The following GPHN variants were observed in gnomAD, a reference collection of about 807,000 sequenced individuals.
The protein encoded by GPHN is gephyrin.
A neutral mutation model predicts 95.5 loss-of-function variants in GPHN; 17 were observed. The observed-to-expected ratio is 0.18, with a 90% CI of 0.12 to 0.27. The LOEUF (loss-of-function observed/expected upper bound fraction) is 0.27, where lower values mean the gene tolerates loss of function less well. Ranked by LOEUF, GPHN falls within the 10% of genes least tolerant of loss-of-function variation. The probability of loss-of-function intolerance (pLI) is 1.00; values close to 1 mark genes in which losing one functional copy is unlikely to be tolerated. For missense variants in GPHN, 660 were observed against 978.1 expected, an observed-to-expected ratio of 0.67 and a Z score of 4.34; for synonymous variants, 320 against 322.5, an observed-to-expected ratio of 0.99 and a Z score of 0.08.
chr14:66,895,994 C>T (rs764443565), intron 5 of GPHN, among the ~76,000 whole-genome samples: 5 of 152,186 alleles, frequency 3.3e-5, no homozygotes, highest in South Asian at 2.1e-4. Flanking sequence ...TCAAGGTGCC[C>T]GCAGATTCAG....
the GPHN span, among the ~76,000 whole-genome samples, chr14:67,455,316 C>T: frequency 2.6e-5 from 4 of 152,182 alleles, no homozygotes; most frequent in African/African-American, 9.7e-5. Context: ...CCTCCCACCC[C>T]AAGGCCTTTC....
intron 1 of GPHN, among the ~76,000 whole-genome samples, chr14:66,586,659 C>T (rs2061433098): frequency 2.6e-5 from 4 of 152,096 alleles, no homozygotes; most frequent in Non-Finnish European, 5.9e-5. Context: ...CTTAGTTTGG[C>T]TGGATATGAA....
intron 16 of GPHN, among the ~76,000 whole-genome samples, chr14:67,120,799 G>A (rs182502921): frequency 2.0e-5 from 3 of 152,270 alleles, no homozygotes; most frequent in East Asian, 1.9e-4. Flanking sequence ...GTACTGCCAG[G>A]GAGTAAGAAT....
In GPHN at chr14:66,903,439, C is replaced by A. The variant is rs150539970; in HGVS notation, c.390-12564C>A. Among the ~76,000 whole-genome samples, 398 of 152,100 alleles carry A rather than the reference C, an allele frequency of 2.6e-3. 2 individuals carry two copies. Among genetic ancestry groups the A allele is most frequent in the Non-Finnish European group, 5.1e-3 (347 of 67,966 alleles). On this transcript the variant is annotated intron_variant, in intron 5 of 22. Coordinates refer to ENST00000478722, the MANE Select transcript of GPHN (RefSeq NM_020806.5). ...ACAGTTACAGTTGTTGATTTGTAGT[C>A]CATTTTATCTAAGTATAACTACTCC...
At chr14:67,274,913 GCTCT>G in the GPHN span, among the ~76,000 whole-genome samples, 3,661 of 152,142 alleles carry the variant, frequency 0.024, 64 homozygotes, top group Non-Finnish European at 0.036. Context: ...TCATGATTTG[GCTCT>G]CTATTTGTCT....
chr14:66,535,813 G>A (rs1483215813), intron 1 of GPHN, among the ~76,000 whole-genome samples: 6 of 152,030 alleles, frequency 3.9e-5, no homozygotes, highest in East Asian at 1.9e-4. Flanking sequence ...GCAGCAACCC[G>A]CTAAATTTGC....
the GPHN span, among the ~76,000 whole-genome samples, chr14:67,419,586 G>C: frequency 1.3e-5 from 2 of 152,050 alleles, no homozygotes; most frequent in South Asian, 4.1e-4. Context: ...ATCCAGGCGG[G>C]GGGCGGTGGC....
chr14:67,619,743 T>G, the GPHN span: 2 of 483,894 alleles, frequency 4.1e-6, no homozygotes, highest in South Asian at 2.5e-5. Context: ...CAGGCCAGAG[T>G]GGGGTGACGT....
chr14:66,667,877 T>A (rs2066060908), intron 1 of GPHN, among the ~76,000 whole-genome samples: 1 of 152,178 alleles, frequency 6.6e-6, no homozygotes, highest in African/African-American at 2.4e-5. Context: ...GCAGAAAATT[T>A]TTGCAAACTA....
chr14:66,788,165 C>A (rs2059847167), intron 3 of GPHN, among the ~76,000 whole-genome samples: 1 of 152,112 alleles, frequency 6.6e-6, no homozygotes, highest in Admixed American at 6.5e-5. Context: ...AAAAACTACC[C>A]AGACATGGTG....
At chr14:67,109,525 T>C (rs2078247250) in intron 13 of GPHN, among the ~76,000 whole-genome samples, 1 of 152,178 alleles carries the variant, frequency 6.6e-6, no homozygotes, top group Admixed American at 6.5e-5. Context: ...TCAAAAGTAA[T>C]GTTTAACCTA....
At chr14:67,381,530 T>C in the GPHN span, 1 of 1,331,850 alleles carries the variant, frequency 7.5e-7, no homozygotes, top group Non-Finnish European at 1.1e-6. Context: ...CGTGTTTGAT[T>C]TCCTTTAAAC....
At chr14:67,327,681 A>T in the GPHN span, among the ~76,000 whole-genome samples, 150 of 150,012 alleles carry the variant, frequency 1.0e-3, no homozygotes, top group African/African-American at 3.5e-3. Flanking sequence ...GATGTTCCCC[A>T]CCCTGTGTCC....
intron 3 of GPHN, among the ~76,000 whole-genome samples, chr14:66,805,578 A>G (rs1450071102): frequency 6.6e-6 from 1 of 152,246 alleles, no homozygotes; most frequent in African/African-American, 2.4e-5. Context: ...CAATGTGGGT[A>G]CAGGTATTGG....
At chr14:67,414,128 T>A in the GPHN span, among the ~76,000 whole-genome samples, 7 of 152,184 alleles carry the variant, frequency 4.6e-5, no homozygotes, top group Non-Finnish European at 8.8e-5. Context: ...CCAGACACAA[T>A]CTTCTGAGGC....
rs1215333870 is a variant in GPHN, at chr14:66,590,246, A to G, written c.64+81655A>G. 4.6e-5 allele frequency among the ~76,000 whole-genome samples: 7 copies of G among 152,310 alleles called. No homozygotes were observed. The East Asian group carries it at 1.2e-3, about 25-fold the overall frequency. On this transcript the variant is annotated intron_variant, in intron 1 of 22. Coordinates refer to ENST00000478722, the MANE Select transcript of GPHN (RefSeq NM_020806.5). ...GGGCAAGATCTAACATCGACACCCT[A>G]ACATCACAATAAAAGAACTAGAGAA...
At chr14:67,001,786 C>T (rs764482259) in intron 9 of GPHN, among the ~76,000 whole-genome samples, 13 of 151,662 alleles carry the variant, frequency 8.6e-5, no homozygotes, top group Non-Finnish European at 1.9e-4. Flanking sequence ...AAATGTGAAG[C>T]AGCTCATGGT....
the GPHN span, chr14:67,385,989 A>G: frequency 6.6e-6 from 1 of 152,132 alleles, no homozygotes; most frequent in African/African-American, 2.4e-5. Flanking sequence ...CCTTGCCGAG[A>G]CTTGTTCACT....
At chr14:67,112,808 C>A (rs2078455318) in intron 15 of GPHN, among the ~76,000 whole-genome samples, 1 of 152,034 alleles carries the variant, frequency 6.6e-6, no homozygotes, top group African/African-American at 2.4e-5. Flanking sequence ...ACATTCAAAT[C>A]CTATTTCTGT....
Sources: allele counts gnomAD v4.1 joint callset (sites outside exome capture counted in the v4.1 genomes callset), GRCh38; gene constraint gnomAD v4.1.1; transcripts MANE v1.5; gene names NCBI Gene and HGNC (gene_info 2026-07-23, HGNC 2026-07-21).